Variants in MVB12B observed in about 807,000 individuals in gnomAD.
MVB12B encodes the protein ESCRT-I complex subunit MVB12B.
A neutral mutation model predicts 41.6 loss-of-function variants in MVB12B; 16 were observed. That is an observed-to-expected ratio of 0.38 (90% CI 0.26 to 0.58). The LOEUF (loss-of-function observed/expected upper bound fraction) is 0.58. Ranked by LOEUF, MVB12B falls within the 20% of genes least tolerant of loss-of-function variation. MVB12B has a pLI of 0.62. For missense variants in MVB12B, 274 were observed against 380.2 expected, an observed-to-expected ratio of 0.72 and a Z score of 2.32; for synonymous variants, 133 against 139.7, an observed-to-expected ratio of 0.95 and a Z score of 0.34.
chr9:126,426,872 A>C (rs1352183224), intron 7 of MVB12B: 4 of 152,440 alleles, frequency 2.6e-5, no homozygotes, highest in Non-Finnish European at 4.4e-5. Context: ...GTCCTTCCTC[A>C]TAAACAGGGT....
rs549238573 is a variant in MVB12B at position 126,380,381 on chromosome 9, G to A, written c.205-683G>A. Among the ~76,000 whole-genome samples the A allele has an allele frequency of 2.8e-4, 42 of 152,306 alleles. 1 individual carries two copies. In the South Asian group the frequency reaches 4.1e-3, roughly 15 times the overall value. ...GATACTCAGATCAAGGCTGGCTGGC[G>A]TCATTCTCAGACTCTTCCTAGTGAG... On this transcript the variant is annotated intron_variant, in intron 2 of 9. Transcript: ENST00000361171.
At position 126,459,400 on chromosome 9, in the gene MVB12B, C is replaced by T. The variant is rs959674478; in HGVS notation, c.758-21969C>T. 1.3e-5 allele frequency among the ~76,000 whole-genome samples: 2 copies of T among 152,226 alleles called. No homozygotes were observed. The highest frequency in any genetic ancestry group is 1.9e-4 in the East Asian group (1 of 5,194). On this transcript the variant is annotated intron_variant, in intron 7 of 9. Transcript: ENST00000361171. This position sits in a 1 kb window ranked among gnomAD's most constrained non-coding sequence, Gnocchi z 4.3. The stretch of plus-strand genomic sequence containing the variant: ...ACAAAGTCCAAAGCCGTCTCCAAGA[C>T]GCAGCTGCATCACTGCCTGCCCCTA...
chr9:126,422,327 C>T (rs1163718938), intron 7 of MVB12B, among the ~76,000 whole-genome samples: 1 of 152,168 alleles, frequency 6.6e-6, no homozygotes, highest in Non-Finnish European at 1.5e-5. Context: ...CAAGTCTGTC[C>T]TCACCTCTCA....
chr9:126,409,142 A>G (rs1831544210), intron 6 of MVB12B, among the ~76,000 whole-genome samples: 1 of 152,010 alleles, frequency 6.6e-6, no homozygotes, highest in South Asian at 2.1e-4. Flanking sequence ...ATGCATTTTG[A>G]ACCCAAGAGT....
At chr9:126,355,325 G>A (rs914518962) in intron 2 of MVB12B, among the ~76,000 whole-genome samples, 7 of 152,194 alleles carry the variant, frequency 4.6e-5, no homozygotes, top group African/African-American at 1.7e-4. Flanking sequence ...AATGCTGGGT[G>A]GGCTTTGCCC....
In MVB12B at chr9:126,447,002, T is replaced by C. The variant is rs576510175; in HGVS notation, c.757+25054T>C. Among the ~76,000 whole-genome samples, 10 of 145,746 alleles carry C rather than the reference T, an allele frequency of 6.9e-5. No homozygotes were observed. The East Asian group carries it at 2.1e-3, about 30-fold the overall frequency. ...CTCTGTTGTCCAGGCTGGAGTGCAA[T>C]GGTGCCATCTTGGCTCACTGCAACC... On this transcript the variant is annotated intron_variant, in intron 7 of 9. Coordinates refer to ENST00000361171, the MANE Select transcript of MVB12B (RefSeq NM_033446.3).
intron 8 of MVB12B, among the ~76,000 whole-genome samples, chr9:126,482,578 G>C (rs1475299518): frequency 1.3e-5 from 2 of 150,870 alleles, no homozygotes; most frequent in Non-Finnish European, 2.9e-5. Flanking sequence ...CTGCTCACCA[G>C]CTCCAGTTGG....
In MVB12B at chr9:126,392,138, G is replaced by T; in HGVS notation, c.482G>T (p.Cys161Phe). Residue 161 changes from cysteine to phenylalanine, a missense_variant, in exon 5 of 10, where the codon TGT becomes TTT. By Grantham distance (205) the Cys-to-Phe change is radical (BLOSUM62 -2). Coordinates refer to ENST00000361171, the MANE Select transcript of MVB12B (RefSeq NM_033446.3). This position sits in a 1 kb window ranked among gnomAD's most constrained non-coding sequence, Gnocchi z 4.8. Reference sequence around the variant, plus strand: ...CGGGATTCAACGGAAGCTGCGATTTGTGACATTCGGATCATGGGCCGGACC... The same window carrying T: ...CGGGATTCAACGGAAGCTGCGATTTTTGACATTCGGATCATGGGCCGGACC... ...IPRDSTEAAI[C>F]DIRIMGRTKQ... is the part of the protein sequence containing the mutation. 1 of 1,614,224 alleles carries T rather than the reference G, an allele frequency of 6.2e-7. No individual in the cohort carries two copies. Among genetic ancestry groups the T allele is most frequent in the Non-Finnish European group, 8.5e-7 (1 of 1,180,028 alleles).
In MVB12B at chr9:126,367,857, G is replaced by A. The variant is rs1437992973; in HGVS notation, c.205-13207G>A. Among the ~76,000 whole-genome samples, 2 of 152,124 alleles carry A rather than the reference G, an allele frequency of 1.3e-5. No individual in the cohort carries two copies. Among genetic ancestry groups the A allele is most frequent in the South Asian group, 2.1e-4 (1 of 4,822 alleles). On this transcript the variant is annotated intron_variant, in intron 2 of 9. Transcript: ENST00000361171. The surrounding 1 kb of genome is among the most constrained non-coding windows in gnomAD (Gnocchi z 4.3). Reference sequence around the variant, plus strand: ...GCCTCTGTGTGGCTCTCTTCCCTGCGCCCTCACTCCTGATTCAGCTCACCT... The same window carrying A: ...GCCTCTGTGTGGCTCTCTTCCCTGCACCCTCACTCCTGATTCAGCTCACCT...
intron 7 of MVB12B, among the ~76,000 whole-genome samples, chr9:126,422,842 C>A (rs1410428890): frequency 6.6e-6 from 1 of 152,136 alleles, no homozygotes; most frequent in African/African-American, 2.4e-5. Context: ...TAGTTTTTCT[C>A]GTTATGATCA....
At chr9:126,374,037 C>A (rs111573582) in intron 2 of MVB12B, among the ~76,000 whole-genome samples, 3 of 152,192 alleles carry the variant, frequency 2.0e-5, no homozygotes, top group Non-Finnish European at 4.4e-5. Context: ...CTGAACTTTC[C>A]GTGTTAGTGT....
intron 1 of MVB12B, among the ~76,000 whole-genome samples, chr9:126,334,675 A>G (rs991949520): frequency 9.9e-5 from 15 of 152,052 alleles, no homozygotes; most frequent in African/African-American, 3.6e-4. Context: ...TCTACAGGGG[A>G]CAATATGGCA....
rs988929584 is a variant in MVB12B at position 126,376,116 on chromosome 9, G to T, written c.205-4948G>T. Among the ~76,000 whole-genome samples, 11 of 152,062 alleles carry T rather than the reference G, an allele frequency of 7.2e-5. 1 individual carries two copies. The South Asian group carries it at 2.1e-3, about 29-fold the overall frequency. On this transcript the variant is annotated intron_variant, in intron 2 of 9. Coordinates refer to ENST00000361171, the MANE Select transcript of MVB12B (RefSeq NM_033446.3). The surrounding 1 kb of genome is among the most constrained non-coding windows in gnomAD (Gnocchi z 4.1). ...CCCTTCAGTTTTCATTCCTATAATT[G>T]ATCTCTTCATCTCTGTACTTTACCT...
intron 8 of MVB12B, among the ~76,000 whole-genome samples, 173 bp from the exon 9 acceptor site, chr9:126,483,800 C>T (rs1207395867): frequency 6.6e-6 from 1 of 152,214 alleles, no homozygotes; most frequent in African/African-American, 2.4e-5. Flanking sequence ...ATCACTTCTC[C>T]TGCCACCCCC....
At chr9:126,423,713 C>T (rs950151877) in intron 7 of MVB12B, among the ~76,000 whole-genome samples, 1 of 152,292 alleles carries the variant, frequency 6.6e-6, no homozygotes, top group South Asian at 2.1e-4. Context: ...GGCCTGCAAG[C>T]TCAGCACTGG....
intron 2 of MVB12B, among the ~76,000 whole-genome samples, chr9:126,365,219 A>C (rs1830138355): frequency 2.4e-5 from 1 of 42,360 alleles, no homozygotes; most frequent in Non-Finnish European, 4.5e-5. Context: ...ACACCCAGCT[A>C]ATTTTTTTTT....
intron 7 of MVB12B, among the ~76,000 whole-genome samples, chr9:126,446,938 C>CTTTTTT (rs33991689): frequency 2.7e-4 from 28 of 104,328 alleles, no homozygotes; most frequent in African/African-American, 4.6e-4. Flanking sequence ...TTTTAACTTT[C>CTTTTTT]TTTTTTTTTT....
chr9:126,356,644 A>G (rs1016612476), intron 2 of MVB12B, among the ~76,000 whole-genome samples: 1 of 151,954 alleles, frequency 6.6e-6, no homozygotes. Flanking sequence ...CCTGTATCTC[A>G]TGTTGAAATG....
intron 3 of MVB12B, among the ~76,000 whole-genome samples, chr9:126,382,537 A>C (rs1252862748): frequency 6.6e-6 from 1 of 152,184 alleles, no homozygotes; most frequent in African/African-American, 2.4e-5. Context: ...AAGAGTGGAC[A>C]AGGGCACTGA....
Sources: gnomAD v4.1 joint callset for allele counts (sites outside exome capture counted in the v4.1 genomes callset) on GRCh38, gnomAD v4.1.1 for gene constraint, Gnocchi (gnomAD v3.1) non-coding constraint, MANE v1.5 for transcripts, NCBI Gene and HGNC (gene_info 2026-07-23, HGNC 2026-07-21) for gene names.